Variants in DYNC1I1 observed in about 807,000 individuals in gnomAD.
The protein encoded by DYNC1I1 is cytoplasmic dynein 1 intermediate chain 1.
In DYNC1I1, 43 loss-of-function variants were observed where a neutral mutation model predicts 86.6. The observed-to-expected ratio is 0.50, with a 90% CI of 0.39 to 0.64. The LOEUF is 0.64. Among genes scored for constraint, DYNC1I1 ranks in the 30% least tolerant of loss-of-function variants. DYNC1I1 has a pLI of 0.00. For synonymous variants in DYNC1I1, 262 were observed against 283.7 expected (o/e 0.92, Z 0.77); for missense variants, 604 against 788.8 (o/e 0.77, Z 2.81).
At chr7:95,874,781 C>T (rs2116191918) in intron 6 of DYNC1I1, among the ~76,000 whole-genome samples, 1 of 152,270 alleles carries the variant, frequency 6.6e-6, no homozygotes, top group South Asian at 2.1e-4. Flanking sequence ...TGGCTGGCAC[C>T]TTGATCTTGG....
intron 6 of DYNC1I1, among the ~76,000 whole-genome samples, chr7:95,949,918 G>A (rs1184736453): frequency 6.6e-6 from 1 of 152,030 alleles, no homozygotes; most frequent in African/African-American, 2.4e-5. Context: ...CTTTTGGCCT[G>A]AGCATTGATA....
chr7:96,037,869 C>T (rs1452899953), intron 13 of DYNC1I1, among the ~76,000 whole-genome samples: 3 of 152,050 alleles, frequency 2.0e-5, no homozygotes, highest in Admixed American at 2.0e-4. Context: ...CAGGCATTGG[C>T]TTTGTAGTCA....
chr7:96,007,499 A>T (rs1384061264), intron 10 of DYNC1I1, among the ~76,000 whole-genome samples: 1 of 152,214 alleles, frequency 6.6e-6, no homozygotes. Context: ...TTCCTGATGA[A>T]AACCCTTGGT....
At chr7:95,922,309 A>G (rs763213996) in intron 6 of DYNC1I1, among the ~76,000 whole-genome samples, 9 of 152,108 alleles carry the variant, frequency 5.9e-5, no homozygotes, top group Non-Finnish European at 1.2e-4. Context: ...TAGAGTGAGT[A>G]ACCCTTGTAT....
At chr7:96,065,440 T>C (rs1021394669) in intron 14 of DYNC1I1, among the ~76,000 whole-genome samples, 92 of 148,702 alleles carry the variant, frequency 6.2e-4, no homozygotes, top group Non-Finnish European at 1.2e-4. Context: ...TTCAGTGGCA[T>C]AATCATGGCT....
rs180973844 is a variant in DYNC1I1 at position 96,020,378 on chromosome 7, A to G, written c.970-7797A>G. ...TGGATGGCAGCAGGCAAAAATAAAA[A>G]TAAAAAATAAAAATAAAAGCTCGTG... On this transcript the variant is annotated intron_variant, in intron 10 of 16. Transcript: ENST00000447467. 2.0e-3 allele frequency among the ~76,000 whole-genome samples: 302 copies of G among 152,262 alleles called. 1 individual carries two copies. Among genetic ancestry groups the G allele is most frequent in the Middle Eastern group, 0.014 (4 of 294 alleles).
intron 12 of DYNC1I1, 114 bp downstream of exon 12, chr7:96,032,894 G>C (rs1379963336): frequency 3.8e-6 from 3 of 798,818 alleles, no homozygotes; most frequent in Non-Finnish European, 5.9e-6. Flanking sequence ...TAAAACAAAT[G>C]GATGCACTTG....
intron 1 of DYNC1I1, among the ~76,000 whole-genome samples, chr7:95,792,225 G>A (rs1245828405): frequency 2.6e-5 from 4 of 152,156 alleles, no homozygotes; most frequent in African/African-American, 9.7e-5. Context: ...GCAGAACTAC[G>A]TGCAGGGTAC....
chr7:95,932,745 C>T (rs372786326), intron 6 of DYNC1I1, among the ~76,000 whole-genome samples: 40 of 152,276 alleles, frequency 2.6e-4, no homozygotes, highest in Middle Eastern at 6.8e-3. Flanking sequence ...CATGGCTTAG[C>T]TTGTCCACTG....
intron 11 of DYNC1I1, among the ~76,000 whole-genome samples, chr7:96,031,241 AT>A (rs956321330): frequency 6.6e-6 from 1 of 152,158 alleles, no homozygotes; most frequent in Non-Finnish European, 1.5e-5. Context: ...AAAATACAGC[AT>A]TTTCAAAAGA....
intron 1 of DYNC1I1, among the ~76,000 whole-genome samples, chr7:95,773,286 A>T (rs979082426): frequency 1.3e-5 from 2 of 152,236 alleles, no homozygotes; most frequent in Non-Finnish European, 2.9e-5. Context: ...CACTTCCAGC[A>T]GGGCATTAAT....
chr7:95,876,513 A>G (rs1364516087), intron 6 of DYNC1I1, among the ~76,000 whole-genome samples: 1 of 150,598 alleles, frequency 6.6e-6, no homozygotes, highest in Non-Finnish European at 1.5e-5. Flanking sequence ...TTCATTCTAT[A>G]TCAAATTCTA....
At chr7:96,023,949 T>A (rs770063845) in intron 10 of DYNC1I1, among the ~76,000 whole-genome samples, 2 of 152,162 alleles carry the variant, frequency 1.3e-5, no homozygotes, top group Non-Finnish European at 2.9e-5. Context: ...ATTGTGCAAA[T>A]AATCAAAATG....
chr7:95,908,014 T>A (rs1197272937), intron 6 of DYNC1I1, among the ~76,000 whole-genome samples: 1 of 152,138 alleles, frequency 6.6e-6, no homozygotes, highest in East Asian at 1.9e-4. Context: ...CTATGTTTTA[T>A]TTACTTTTTA....
intron 5 of DYNC1I1, among the ~76,000 whole-genome samples, chr7:95,852,352 T>A: frequency 6.6e-6 from 1 of 152,122 alleles, no homozygotes; most frequent in East Asian, 1.9e-4. Context: ...CCAGTTATAA[T>A]ATCTTCTTTT....
intron 6 of DYNC1I1, among the ~76,000 whole-genome samples, chr7:95,928,237 T>C (rs953561831): frequency 6.6e-6 from 1 of 152,254 alleles, no homozygotes; most frequent in Non-Finnish European, 1.5e-5. Flanking sequence ...TGTTAAATTG[T>C]AGTTCCTGCA....
chr7:95,843,564 T>C (rs1789346712), intron 5 of DYNC1I1, among the ~76,000 whole-genome samples: 1 of 152,192 alleles, frequency 6.6e-6, no homozygotes, highest in Non-Finnish European at 1.5e-5. Flanking sequence ...ATTTCAGGTT[T>C]CTGGGTAAAT....
At chr7:95,916,776 C>A (rs1051403470) in intron 6 of DYNC1I1, among the ~76,000 whole-genome samples, 2 of 152,194 alleles carry the variant, frequency 1.3e-5, no homozygotes, top group South Asian at 4.1e-4. Flanking sequence ...GTAGAGGGCG[C>A]TGCTGGCTTA....
At chr7:96,022,975 A>G (rs1016384618) in intron 10 of DYNC1I1, among the ~76,000 whole-genome samples, 2 of 152,090 alleles carry the variant, frequency 1.3e-5, no homozygotes, top group African/African-American at 4.8e-5. Context: ...CCAGCTTCAC[A>G]CCTTCCATGT....
Sources: allele counts gnomAD v4.1 joint callset (sites outside exome capture counted in the v4.1 genomes callset), GRCh38; gene constraint gnomAD v4.1.1; transcripts MANE v1.5; gene names NCBI Gene and HGNC (gene_info 2026-07-23, HGNC 2026-07-21).